GPATCH2: variants seen among roughly 807,000 people sequenced by gnomAD.
The protein encoded by GPATCH2 is G-patch domain containing 2.
GPATCH2 carries 51 observed loss-of-function variants against 58.0 expected under a neutral mutation model. That is an observed-to-expected ratio of 0.88 (90% CI 0.70 to 1.11). The LOEUF is 1.11. Among genes scored for constraint, GPATCH2 ranks in the 50% most tolerant of loss-of-function variants. GPATCH2 has a pLI of 0.00. For synonymous variants in GPATCH2, 222 were observed against 218.5 expected, an observed-to-expected ratio of 1.02 and a Z score of -0.14; for missense variants, 625 against 652.2, an observed-to-expected ratio of 0.96 and a Z score of 0.45.
intron 9 of GPATCH2, among the ~76,000 whole-genome samples, chr1:217,438,399 A>G (rs562656357): frequency 1.3e-5 from 2 of 152,304 alleles, no homozygotes; most frequent in South Asian, 4.1e-4. Context: ...TGACAGAAGT[A>G]GGCTTCAGAA....
At chr1:217,586,901 C>A (rs924615329) in intron 5 of GPATCH2, among the ~76,000 whole-genome samples, 1 of 151,988 alleles carries the variant, frequency 6.6e-6, no homozygotes, top group African/African-American at 2.4e-5. Flanking sequence ...AGCACATGGC[C>A]GCATACACTG....
At chr1:217,508,496 C>G (rs1404477344) in intron 6 of GPATCH2, among the ~76,000 whole-genome samples, 2 of 152,002 alleles carry the variant, frequency 1.3e-5, no homozygotes, top group African/African-American at 4.8e-5. Context: ...ATCAATTGCA[C>G]AATCGATTAA....
intron 8 of GPATCH2, among the ~76,000 whole-genome samples, chr1:217,485,320 T>C (rs892756791): frequency 1.3e-5 from 2 of 152,224 alleles, no homozygotes; most frequent in African/African-American, 4.8e-5. Flanking sequence ...ATTCAAATGC[T>C]AGTCTCTTCC....
chr1:217,599,945 C>T (rs1003376991), intron 5 of GPATCH2, among the ~76,000 whole-genome samples: 3 of 152,020 alleles, frequency 2.0e-5, no homozygotes, highest in South Asian at 2.1e-4. Flanking sequence ...AGATTGAATA[C>T]TTCAAAATCG....
intron 9 of GPATCH2, among the ~76,000 whole-genome samples, chr1:217,440,338 A>G (rs1210344098): frequency 1.3e-5 from 2 of 152,184 alleles, no homozygotes; most frequent in Admixed American, 1.3e-4. Context: ...CTCTCAATAA[A>G]CTAGGTATTG....
chr1:217,436,981 G>A (rs922872696), intron 9 of GPATCH2, among the ~76,000 whole-genome samples: 1 of 152,184 alleles, frequency 6.6e-6, no homozygotes, highest in Non-Finnish European at 1.5e-5. Context: ...GCAGCTCCCA[G>A]CGAGATCAAT....
At chr1:217,621,441 AAC>A (rs2102844192) in intron 1 of GPATCH2, among the ~76,000 whole-genome samples, 1 of 152,252 alleles carries the variant, frequency 6.6e-6, no homozygotes, top group Admixed American at 6.5e-5. Flanking sequence ...AAATATTCTC[AAC>A]AGTCATACAG....
At chr1:217,608,342 A>G in intron 5 of GPATCH2, 2 of 984,930 alleles carry the variant, frequency 2.0e-6, no homozygotes, top group South Asian at 9.4e-5. Context: ...CCAGAAAAAC[A>G]GCTTATGGCC....
intron 5 of GPATCH2, among the ~76,000 whole-genome samples, chr1:217,586,646 ATGTAAACC>A (rs1667355250): frequency 6.6e-6 from 1 of 152,224 alleles, no homozygotes. Context: ...TATAGTAAAC[ATGTAAACC>A]TACTAATATA....
chr1:217,621,977 A>T (rs1375568390), intron 1 of GPATCH2, among the ~76,000 whole-genome samples: 1 of 152,214 alleles, frequency 6.6e-6, no homozygotes, highest in Non-Finnish European at 1.5e-5. Flanking sequence ...GATCTCTGTC[A>T]CAATGTGATG....
intron 5 of GPATCH2, among the ~76,000 whole-genome samples, chr1:217,517,581 A>G (rs1663228079): frequency 6.6e-6 from 1 of 152,166 alleles, no homozygotes; most frequent in South Asian, 2.1e-4. Context: ...ACTTCAAGGA[A>G]CATACTTAAG....
At chr1:217,586,118 C>G (rs1349559646) in intron 5 of GPATCH2, among the ~76,000 whole-genome samples, 2 of 152,146 alleles carry the variant, frequency 1.3e-5, no homozygotes, top group Admixed American at 6.5e-5. Context: ...TAGAACACTT[C>G]TAGACACTAA....
At chr1:217,561,341 A>G (rs558150112) in intron 5 of GPATCH2, among the ~76,000 whole-genome samples, 1 of 152,300 alleles carries the variant, frequency 6.6e-6, no homozygotes, top group East Asian at 1.9e-4. Context: ...ACTAAAACTG[A>G]AGAAAAGGTT....
chr1:217,462,172 T>C (rs1271309978), intron 8 of GPATCH2, among the ~76,000 whole-genome samples: 1 of 152,180 alleles, frequency 6.6e-6, no homozygotes, highest in African/African-American at 2.4e-5. Context: ...TTAAGAGGTC[T>C]ACTGATTTTA....
chr1:217,524,114 C>G (rs1378881598), intron 5 of GPATCH2, among the ~76,000 whole-genome samples: 1 of 151,076 alleles, frequency 6.6e-6, no homozygotes, highest in Non-Finnish European at 1.5e-5. Context: ...GGGTGGCTGC[C>G]GGGCAGAGAC....
intron 5 of GPATCH2, among the ~76,000 whole-genome samples, chr1:217,532,924 G>T (rs1664273831): frequency 7.7e-6 from 1 of 130,630 alleles, no homozygotes; most frequent in Non-Finnish European, 1.5e-5. Flanking sequence ...TTTGAGACAG[G>T]ATCTCCCTCT....
chr1:217,604,075 G>C (rs991896497), intron 5 of GPATCH2, among the ~76,000 whole-genome samples: 12 of 151,876 alleles, frequency 7.9e-5, no homozygotes, highest in African/African-American at 2.9e-4. Flanking sequence ...TTCTGGCCGG[G>C]CACAGTGGCT....
chr1:217,624,618 C>T (rs1310182802), intron 1 of GPATCH2, among the ~76,000 whole-genome samples: 3 of 152,270 alleles, frequency 2.0e-5, no homozygotes, highest in Middle Eastern at 3.4e-3. Context: ...CATCAGAAGA[C>T]CAATGTATTA....
intron 5 of GPATCH2, among the ~76,000 whole-genome samples, chr1:217,572,159 C>T (rs1017984890): frequency 1.3e-5 from 2 of 151,876 alleles, no homozygotes; most frequent in South Asian, 2.1e-4. Context: ...TATCCTGATA[C>T]CTATCTTACA....
Sources: gnomAD v4.1 joint callset for allele counts (sites outside exome capture counted in the v4.1 genomes callset) on GRCh38, gnomAD v4.1.1 for gene constraint, MANE v1.5 for transcripts, NCBI Gene and HGNC (gene_info 2026-07-23, HGNC 2026-07-21) for gene names.